ANO4: variants seen among roughly 807,000 people sequenced by gnomAD.
ANO4 encodes the protein anoctamin-4.
A neutral mutation model predicts 141.9 loss-of-function variants in ANO4; 69 were observed. The ratio of observed to expected loss-of-function variants is 0.49; its 90% CI spans 0.40 to 0.59. ANO4 has a LOEUF of 0.59. Among genes scored for constraint, ANO4 ranks in the 20% least tolerant of loss-of-function variants. ANO4 has a pLI of 0.00. For synonymous variants in ANO4, 350 were observed against 394.3 expected (o/e 0.89, Z 1.33); for missense variants, 894 against 1,162.2 (o/e 0.77, Z 3.36).
intron 3 of ANO4, among the ~76,000 whole-genome samples, chr12:100,929,996 T>C (rs529772517): frequency 1.3e-5 from 2 of 152,272 alleles, no homozygotes; most frequent in African/African-American, 2.4e-5. Context: ...AAATGTCTTA[T>C]TCAGACATCT....
chr12:100,877,371 C>A (rs958125980), intron 1 of ANO4, among the ~76,000 whole-genome samples: 1 of 150,702 alleles, frequency 6.6e-6, no homozygotes, highest in South Asian at 2.1e-4. Flanking sequence ...ATATATATAT[C>A]AAATCATCAC....
In ANO4 at chr12:101,073,725, C is replaced by G. The variant is rs187025960; in HGVS notation, c.1313-5468C>G. 7.0e-4 allele frequency among the ~76,000 whole-genome samples: 107 copies of G among 152,110 alleles called. 1 individual carries two copies. Among genetic ancestry groups the G allele is most frequent in the Non-Finnish European group, 1.2e-3 (80 of 67,982 alleles). ...CCAAGAGTGTCCTGGTATCTGAACACTAACCTGCCTGAACACTACCCCTGA... is the reference window on the plus strand; with the variant it reads ...CCAAGAGTGTCCTGGTATCTGAACAGTAACCTGCCTGAACACTACCCCTGA... On this transcript the variant is annotated intron_variant, in intron 14 of 27. Coordinates refer to ENST00000392977, the MANE Select transcript of ANO4 (RefSeq NM_001286615.2).
intron 3 of ANO4, among the ~76,000 whole-genome samples, chr12:100,742,237 A>G (rs1327972582): frequency 6.6e-6 from 1 of 152,154 alleles, no homozygotes; most frequent in African/African-American, 2.4e-5. Context: ...TAGTTTTTGT[A>G]AGTCTCGACA....
intron 1 of ANO4, among the ~76,000 whole-genome samples, chr12:100,723,862 A>T (rs925062658): frequency 6.6e-6 from 1 of 152,194 alleles, no homozygotes; most frequent in Non-Finnish European, 1.5e-5. Context: ...TCAGCTCACA[A>T]TAAGTAACAA....
intron 9 of ANO4, among the ~76,000 whole-genome samples, chr12:101,022,628 G>A (rs192816528): frequency 4.5e-4 from 68 of 152,314 alleles, no homozygotes; most frequent in Admixed American, 7.2e-4. Context: ...AAGCAAGTGA[G>A]TGAAAGTGAA....
At position 100,971,365 on chromosome 12, in the gene ANO4, T is replaced by C; in HGVS notation, c.516T>C (p.Leu172=). 6.2e-7 allele frequency: 1 copy of C among 1,611,480 alleles called. No individual in the cohort carries two copies. Among genetic ancestry groups the C allele is most frequent in the Non-Finnish European group, 8.5e-7 (1 of 1,178,074 alleles). ...FVKLHAPWEV[L]GRYAEQMNVR... Reference sequence around the variant, plus strand: ...AGTTGCATGCCCCATGGGAAGTCCTTGGAAGATATGCAGAACAAATGAATG... The same window carrying C: ...AGTTGCATGCCCCATGGGAAGTCCTCGGAAGATATGCAGAACAAATGAATG... The change falls in exon 6 of 28, where the codon CTT becomes CTC. Residue 172 remains leucine, a synonymous_variant. Transcript: ENST00000392977.
chr12:101,086,170 G>A (rs916559188), intron 16 of ANO4, among the ~76,000 whole-genome samples: 6 of 150,764 alleles, frequency 4.0e-5, no homozygotes, highest in African/African-American at 1.5e-4. Flanking sequence ...AAAGGAAATA[G>A]TCTTGGCAAT....
At chr12:100,938,539 T>G (rs1489057410) in intron 3 of ANO4, among the ~76,000 whole-genome samples, 1 of 152,186 alleles carries the variant, frequency 6.6e-6, no homozygotes. Flanking sequence ...TGGCCCATAA[T>G]TGAAGTGGAT....
At chr12:101,009,695 T>C (rs2046003663) in intron 8 of ANO4, among the ~76,000 whole-genome samples, 1 of 152,124 alleles carries the variant, frequency 6.6e-6, no homozygotes, top group South Asian at 2.1e-4. Flanking sequence ...TATCTTGATG[T>C]GGTTCTATGT....
At chr12:100,990,972 T>G (rs2136350489) in intron 8 of ANO4, among the ~76,000 whole-genome samples, 1 of 151,420 alleles carries the variant, frequency 6.6e-6, no homozygotes, top group African/African-American at 2.4e-5. Flanking sequence ...AAAAAGAGAG[T>G]GATCAATGGA....
intron 2 of ANO4, 28 bp downstream of exon 2, chr12:100,901,868 C>A: frequency 6.4e-7 from 1 of 1,560,992 alleles, no homozygotes; most frequent in Non-Finnish European, 8.7e-7. Flanking sequence ...TCAACGGGGA[C>A]CCATTTCAGT....
chr12:101,036,031 T>TA (rs2047179696), intron 9 of ANO4, among the ~76,000 whole-genome samples: 1 of 152,104 alleles, frequency 6.6e-6, no homozygotes, highest in African/African-American at 2.4e-5. Flanking sequence ...TGTTAAAAGT[T>TA]AAAATGGGCA....
intron 3 of ANO4, among the ~76,000 whole-genome samples, chr12:100,754,603 C>T (rs963317130): frequency 6.6e-6 from 1 of 152,146 alleles, no homozygotes; most frequent in African/African-American, 2.4e-5. Context: ...TTCAAACAAA[C>T]ATTTGTAACA....
intron 3 of ANO4, among the ~76,000 whole-genome samples, chr12:100,761,476 T>C (rs532249612): frequency 6.9e-4 from 105 of 152,340 alleles, no homozygotes; most frequent in Non-Finnish European, 1.3e-3. Flanking sequence ...TTTTAGAAGT[T>C]TTCCCAGAGT....
intron 1 of ANO4, among the ~76,000 whole-genome samples, chr12:100,719,917 G>A (rs957430016): frequency 6.6e-6 from 1 of 152,176 alleles, no homozygotes; most frequent in Non-Finnish European, 1.5e-5. Flanking sequence ...TGAGATTAGG[G>A]TAATCAGTAA....
chr12:100,865,045 GGTTA>G (rs993939943), intron 1 of ANO4, among the ~76,000 whole-genome samples: 1 of 152,088 alleles, frequency 6.6e-6, no homozygotes, highest in African/African-American at 2.4e-5. Context: ...TGGGCATTTG[GGTTA>G]GTTCCAAGTC....
At chr12:101,081,139 T>C (rs1382747478) in intron 15 of ANO4, among the ~76,000 whole-genome samples, 2 of 151,704 alleles carry the variant, frequency 1.3e-5, no homozygotes, top group Non-Finnish European at 2.9e-5. Flanking sequence ...ATTCCTCTTG[T>C]GTGGTGCCAT....
At chr12:101,039,437 G>A (rs1052827851) in intron 10 of ANO4, among the ~76,000 whole-genome samples, 4 of 152,102 alleles carry the variant, frequency 2.6e-5, no homozygotes, top group Admixed American at 1.3e-4. Flanking sequence ...CCTGGGAGTC[G>A]GAGGTTGCAG....
At chr12:100,779,272 G>C (rs1375223817) in intron 3 of ANO4, among the ~76,000 whole-genome samples, 2 of 152,148 alleles carry the variant, frequency 1.3e-5, no homozygotes, top group Non-Finnish European at 2.9e-5. Context: ...AATCTCTTTA[G>C]TGACAACCTG....
Sources: allele counts gnomAD v4.1 joint callset (sites outside exome capture counted in the v4.1 genomes callset), GRCh38; gene constraint gnomAD v4.1.1; transcripts MANE v1.5; gene names NCBI Gene and HGNC (gene_info 2026-07-23, HGNC 2026-07-21).